Variants in AGMO observed in about 807,000 individuals in gnomAD.
AGMO encodes the protein glyceryl-ether monooxygenase.
A neutral mutation model predicts 60.2 loss-of-function variants in AGMO; 75 were observed. That is an observed-to-expected ratio of 1.25 (90% CI 1.03 to 1.51). The LOEUF is 1.51. Ranked by LOEUF, AGMO falls within the 40% of genes most tolerant of loss-of-function variation. The pLI, the probability that AGMO is intolerant of heterozygous loss-of-function variation, is 0.00. For missense variants in AGMO, 763 were observed against 525.5 expected, an observed-to-expected ratio of 1.45 and a Z score of -4.42; for synonymous variants, 261 against 177.1, an observed-to-expected ratio of 1.47 and a Z score of -3.76.
rs532381128 is a variant in AGMO at position 15,509,832 on chromosome 7, T to C, written c.409+34940A>G. Among the ~76,000 whole-genome samples, 174 of 151,956 alleles carry C rather than the reference T, an allele frequency of 1.1e-3. 1 individual carries two copies. The highest frequency in any genetic ancestry group is 4.1e-3 in the African/African-American group (171 of 41,300). ...ACAAGGTGCTCAACATTACTAATCA[T>C]CAGGTAAAATCAAAAATGCAATGAG... On this transcript the variant is annotated intron_variant, in intron 3 of 12. Coordinates refer to ENST00000342526, the MANE Select transcript of AGMO (RefSeq NM_001004320.2).
At chr7:15,271,613 C>G (rs1208278492) in intron 12 of AGMO, among the ~76,000 whole-genome samples, 1 of 152,070 alleles carries the variant, frequency 6.6e-6, no homozygotes, top group Non-Finnish European at 1.5e-5. Context: ...CATGAAGGAA[C>G]AGGGATAATT....
intron 12 of AGMO, among the ~76,000 whole-genome samples, chr7:15,224,469 A>G (rs1456646078): frequency 6.6e-6 from 1 of 151,726 alleles, no homozygotes; most frequent in East Asian, 1.9e-4. Context: ...CCTCTCATCA[A>G]TGTGAGGATA....
intron 12 of AGMO, among the ~76,000 whole-genome samples, chr7:15,241,662 T>C (rs1463828257): frequency 1.3e-5 from 2 of 152,092 alleles, no homozygotes; most frequent in African/African-American, 4.8e-5. Flanking sequence ...TTTTCTTTTA[T>C]CTCTTGACTG....
At chr7:15,131,667 G>T in the AGMO span, among the ~76,000 whole-genome samples, 1 of 151,808 alleles carries the variant, frequency 6.6e-6, no homozygotes, top group Non-Finnish European at 1.5e-5. Context: ...CATTAAAGGG[G>T]CAATTTATAA....
rs1269497802 is a variant in AGMO at position 15,387,451 on chromosome 7, C to T, written c.912G>A (p.Trp304Ter). ...KFSVIFKGPG[W>*]GPGKPRLGLS... ...GACCAAGTCTTGGTTTACCTGGACCCCATCCCGGTCCCTTAAATATGACAG... is the reference window on the plus strand; with the variant it reads ...GACCAAGTCTTGGTTTACCTGGACCTCATCCCGGTCCCTTAAATATGACAG... Residue 304 changes from tryptophan (W) to a stop codon, truncating the protein, a stop_gained, in exon 9 of 13, where the codon TGG (tryptophan) becomes TGA (stop). Coordinates refer to ENST00000342526, the MANE Select transcript of AGMO (RefSeq NM_001004320.2). LOFTEE classifies it high-confidence loss of function. 6 of 1,613,938 alleles carry T rather than the reference C, an allele frequency of 3.7e-6. No individual in the cohort carries two copies. The highest frequency in any genetic ancestry group is 1.7e-5 in the Admixed American group (1 of 60,010).
intron 12 of AGMO, among the ~76,000 whole-genome samples, chr7:15,295,115 T>C (rs1320769597): frequency 6.6e-6 from 1 of 151,896 alleles, no homozygotes; most frequent in Non-Finnish European, 1.5e-5. Context: ...AAAACATCCA[T>C]ATTGAAATAT....
At chr7:15,258,310 TG>T (rs542638268) in intron 12 of AGMO, among the ~76,000 whole-genome samples, 16 of 151,648 alleles carry the variant, frequency 1.1e-4, no homozygotes, top group African/African-American at 2.9e-4. Context: ...TTTCTTTTTT[TG>T]GGGGGGGTGG....
chr7:15,404,323 CAA>C (rs1252253959), intron 5 of AGMO, among the ~76,000 whole-genome samples: 4 of 151,880 alleles, frequency 2.6e-5, no homozygotes, highest in East Asian at 1.9e-4. Context: ...AACAAAAAGA[CAA>C]GAGCAGGACA....
At chr7:15,496,637 A>T (rs993273116) in intron 3 of AGMO, among the ~76,000 whole-genome samples, 1 of 152,160 alleles carries the variant, frequency 6.6e-6, no homozygotes, top group African/African-American at 2.4e-5. Flanking sequence ...CAAACACATG[A>T]AAAAGTTCAT....
At chr7:15,269,397 A>T (rs546659494) in intron 12 of AGMO, among the ~76,000 whole-genome samples, 9 of 152,096 alleles carry the variant, frequency 5.9e-5, no homozygotes, top group Non-Finnish European at 1.3e-4. Context: ...AGCACATGAG[A>T]ACAATGATGG....
intron 10 of AGMO, among the ~76,000 whole-genome samples, chr7:15,376,123 C>A (rs1783440541): frequency 6.6e-6 from 1 of 152,110 alleles, no homozygotes; most frequent in South Asian, 2.1e-4. Context: ...TCCGTTACTA[C>A]AAATCCATTA....
At chr7:15,324,127 AATC>A (rs1472323317) in intron 12 of AGMO, among the ~76,000 whole-genome samples, 1 of 152,192 alleles carries the variant, frequency 6.6e-6, no homozygotes, top group Non-Finnish European at 1.5e-5. Context: ...TCCATCAGAC[AATC>A]ATCAGTATTA....
At chr7:15,194,465 G>A in the AGMO span, among the ~76,000 whole-genome samples, 1 of 152,074 alleles carries the variant, frequency 6.6e-6, no homozygotes, top group African/African-American at 2.4e-5. Flanking sequence ...TATGCCCTCT[G>A]CAGTTGCATG....
intron 4 of AGMO, among the ~76,000 whole-genome samples, chr7:15,425,450 T>G (rs78282339): frequency 6.6e-6 from 1 of 151,382 alleles, no homozygotes; most frequent in Non-Finnish European, 1.5e-5. Context: ...TTTTTTTTTT[T>G]GAGAAAGAGG....
At chr7:15,528,943 C>T (rs1047408942) in intron 3 of AGMO, among the ~76,000 whole-genome samples, 1 of 152,022 alleles carries the variant, frequency 6.6e-6, no homozygotes, top group Admixed American at 6.6e-5. Context: ...ACACCGCGCC[C>T]GGCCAACCAT....
At chr7:15,410,744 C>G (rs994107321) in intron 5 of AGMO, among the ~76,000 whole-genome samples, 4 of 151,740 alleles carry the variant, frequency 2.6e-5, no homozygotes, top group Admixed American at 2.0e-4. Context: ...TAAACTGCAT[C>G]TTTCATTTTG....
chr7:15,129,421 C>A, the AGMO span, among the ~76,000 whole-genome samples: 8 of 152,060 alleles, frequency 5.3e-5, no homozygotes, highest in South Asian at 1.0e-3. Flanking sequence ...GAAGATAATT[C>A]TATGTGTTTC....
chr7:15,431,579 A>G (rs1439145600), intron 3 of AGMO, among the ~76,000 whole-genome samples: 1 of 151,820 alleles, frequency 6.6e-6, no homozygotes, highest in Non-Finnish European at 1.5e-5. Flanking sequence ...TTATTTCCTC[A>G]TGGCTTTCTG....
rs539343080 is a variant in AGMO, at chr7:15,361,402, T to A, written c.1263+4112A>T. Reference sequence around the variant, plus strand: ...AAAATACAAAAAAATTAGCCGGGCGTGGTGGCGGGCACCTGTAGTCCCAGC... The same window carrying A: ...AAAATACAAAAAAATTAGCCGGGCGAGGTGGCGGGCACCTGTAGTCCCAGC... On this transcript the variant is annotated intron_variant, in intron 12 of 12. Transcript: ENST00000342526. Among the ~76,000 whole-genome samples, 4 of 151,452 alleles carry A rather than the reference T, an allele frequency of 2.6e-5. No individual in the cohort carries two copies. The East Asian group carries it at 7.8e-4, about 30-fold the overall frequency.
Sources: gnomAD v4.1 joint callset for allele counts (sites outside exome capture counted in the v4.1 genomes callset) on GRCh38, gnomAD v4.1.1 for gene constraint, MANE v1.5 for transcripts, NCBI Gene and HGNC (gene_info 2026-07-23, HGNC 2026-07-21) for gene names.